Variants in MYO5A observed in about 807,000 individuals in gnomAD.
MYO5A encodes myosin VA.
In MYO5A, 98 loss-of-function variants were observed where a neutral mutation model predicts 249.7. The ratio of observed to expected loss-of-function variants is 0.39; its 90% confidence interval spans 0.33 to 0.46. The LOEUF is 0.46. Ranked by LOEUF, MYO5A falls within the 20% of genes least tolerant of loss-of-function variation. The pLI is 0.98. For missense variants in MYO5A, 1,696 were observed against 2,308.8 expected, an observed-to-expected ratio of 0.73 and a Z score of 5.44; for synonymous variants, 778 against 810.6, an observed-to-expected ratio of 0.96 and a Z score of 0.68.
chr15:52,358,967 G>A (rs2040384562), intron 25 of MYO5A, among the ~76,000 whole-genome samples: 1 of 152,204 alleles, frequency 6.6e-6, no homozygotes, highest in Non-Finnish European at 1.5e-5. Flanking sequence ...ATGGAAGTCA[G>A]TAGAATATAA....
At chr15:52,385,618 G>C (rs551662637) in intron 14 of MYO5A, among the ~76,000 whole-genome samples, 134 of 22,796 alleles carry the variant, frequency 5.9e-3, no homozygotes, top group African/African-American at 6.4e-3. Context: ...AGAGGCTGCA[G>C]GAAAAAAAAA....
In MYO5A at chr15:52,443,851, C is replaced by T. The variant is rs143737961; in HGVS notation, c.28-10566G>A. ...AAAAAATTAACTGGGAGTGGTGACA[C>T]GCACCTGCACAGTCCCAGCTACTTG... On this transcript the variant is annotated intron_variant, in intron 1 of 41. Transcript: ENST00000399233. Among the ~76,000 whole-genome samples the T allele has an allele frequency of 3.5e-3, 527 of 151,768 alleles. 2 individuals are homozygous for T. The highest frequency in any genetic ancestry group is 7.6e-3 in the Admixed American group (116 of 15,246).
chr15:52,431,618 G>A (rs2075539145), intron 2 of MYO5A, among the ~76,000 whole-genome samples: 1 of 151,408 alleles, frequency 6.6e-6, no homozygotes. Flanking sequence ...CCAATATAAG[G>A]TAACAGGGCT....
At chr15:52,525,511 T>C (rs566210418) in intron 1 of MYO5A, among the ~76,000 whole-genome samples, 1 of 152,318 alleles carries the variant, frequency 6.6e-6, no homozygotes, top group East Asian at 1.9e-4. Context: ...TTCACTGTAA[T>C]AGGAACTGAT....
rs146850233 is a variant in MYO5A at position 52,506,764 on chromosome 15, G to T, written c.27+22016C>A. Among the ~76,000 whole-genome samples, 227 of 152,140 alleles carry T rather than the reference G, an allele frequency of 1.5e-3. 2 individuals are homozygous for T. The highest frequency in any genetic ancestry group is 1.2e-3 in the Non-Finnish European group (83 of 68,014). On this transcript the variant is annotated intron_variant, in intron 1 of 41. Coordinates refer to ENST00000399233, the MANE Select transcript of MYO5A (RefSeq NM_001382347.1). ...GTGTGACAATCACTTGAACCCGAGA[G>T]GGGGAGGTGGCAGTGAGCCGAGATT... is the stretch of plus-strand genomic sequence containing the variant.
intron 1 of MYO5A, among the ~76,000 whole-genome samples, chr15:52,521,867 G>C (rs565851410): frequency 6.6e-6 from 1 of 152,310 alleles, no homozygotes; most frequent in South Asian, 2.1e-4. Flanking sequence ...AAGACAGATG[G>C]GGAAGAGGAA....
At chr15:52,457,073 A>G (rs1241542084) in intron 1 of MYO5A, among the ~76,000 whole-genome samples, 1 of 152,228 alleles carries the variant, frequency 6.6e-6, no homozygotes, top group Non-Finnish European at 1.5e-5. Flanking sequence ...ACAAGAGACT[A>G]ATATCCAGAA....
chr15:52,475,848 G>A (rs1379379121), intron 1 of MYO5A, among the ~76,000 whole-genome samples: 1 of 152,202 alleles, frequency 6.6e-6, no homozygotes, highest in East Asian at 1.9e-4. Context: ...GTGGTGCTGA[G>A]AAGAATGTAT....
intron 1 of MYO5A, among the ~76,000 whole-genome samples, chr15:52,499,294 A>C (rs2077104533): frequency 6.6e-6 from 1 of 152,244 alleles, no homozygotes; most frequent in Non-Finnish European, 1.5e-5. Flanking sequence ...CTGAAGCATT[A>C]ATGGATTTTC....
intron 1 of MYO5A, among the ~76,000 whole-genome samples, chr15:52,473,460 G>C (rs1326428932): frequency 6.6e-6 from 1 of 152,188 alleles, no homozygotes. Flanking sequence ...TAGACGTGAA[G>C]TCCTTGCCCA....
In MYO5A at chr15:52,375,088, T is replaced by C. The variant is rs909365619; in HGVS notation, c.2577+216A>G. ...TGAGGCCAGGAGTTTGAGGCTGCAG[T>C]GTACTATGACTGCACCACTGCACCC... On this transcript the variant is annotated intron_variant, in intron 20 of 41. Coordinates refer to ENST00000399233, the MANE Select transcript of MYO5A (RefSeq NM_001382347.1). Among the ~76,000 whole-genome samples, 4 of 152,214 alleles carry C rather than the reference T, an allele frequency of 2.6e-5. No homozygotes were observed. In the South Asian group the frequency reaches 6.2e-4, roughly 24 times the overall value.
chr15:52,515,306 A>G (rs78490968), intron 1 of MYO5A, among the ~76,000 whole-genome samples: 1 of 122,868 alleles, frequency 8.1e-6, no homozygotes, highest in African/African-American at 2.7e-5. Flanking sequence ...AAGAAAGAAA[A>G]AAAAGATAAG....
chr15:52,429,835 C>A (rs946251791), intron 2 of MYO5A, among the ~76,000 whole-genome samples: 6 of 152,168 alleles, frequency 3.9e-5, no homozygotes, highest in African/African-American at 1.4e-4. Context: ...GAACTCCTGG[C>A]CTCAAGGGAT....
At chr15:52,320,831 G>A (rs2038265234) in intron 38 of MYO5A, among the ~76,000 whole-genome samples, 1 of 152,050 alleles carries the variant, frequency 6.6e-6, no homozygotes, top group Admixed American at 6.6e-5. Flanking sequence ...GGCTAACACG[G>A]TGAAACCCCG....
chr15:52,457,502 T>C (rs2076143114), intron 1 of MYO5A, among the ~76,000 whole-genome samples: 1 of 151,070 alleles, frequency 6.6e-6, no homozygotes, highest in Non-Finnish European at 1.5e-5. Flanking sequence ...AACAGGTATA[T>C]GACAAAATGC....
rs1297527354 is a variant in MYO5A, at chr15:52,421,828, G to T, written c.455+4002C>A. 2.0e-5 allele frequency among the ~76,000 whole-genome samples: 3 copies of T among 152,204 alleles called. No individual in the cohort carries two copies. The East Asian group carries it at 5.8e-4, about 29-fold the overall frequency. ...AAACGGAGACTCAGGGAGACCAGGA[G>T]ATTTGAGCTTATATGATTAGTTATT... On this transcript the variant is annotated intron_variant, in intron 4 of 41. Coordinates refer to ENST00000399233, the MANE Select transcript of MYO5A (RefSeq NM_001382347.1).
chr15:52,484,389 G>C (rs1311694523), intron 1 of MYO5A, among the ~76,000 whole-genome samples: 1 of 152,154 alleles, frequency 6.6e-6, no homozygotes, highest in Non-Finnish European at 1.5e-5. Context: ...AGGGAGGATA[G>C]AGTAGATATT....
chr15:52,339,196 GAC>G (rs1364377716), intron 32 of MYO5A, among the ~76,000 whole-genome samples: 3 of 152,098 alleles, frequency 2.0e-5, no homozygotes, highest in Non-Finnish European at 2.9e-5. Flanking sequence ...TTGAATAAAT[GAC>G]ACTAGAAAAC....
At chr15:52,512,360 A>G (rs1034872557) in intron 1 of MYO5A, among the ~76,000 whole-genome samples, 17 of 152,154 alleles carry the variant, frequency 1.1e-4, no homozygotes, top group Non-Finnish European at 2.5e-4. Context: ...TCCTTATCGC[A>G]GGGGTCTCGT....
Sources: allele counts gnomAD v4.1 joint callset (sites outside exome capture counted in the v4.1 genomes callset), GRCh38; gene constraint gnomAD v4.1.1; transcripts MANE v1.5; gene names NCBI Gene and HGNC (gene_info 2026-07-23, HGNC 2026-07-21).